GALR1: variants seen among roughly 807,000 people sequenced by gnomAD.
The protein encoded by GALR1 is galanin receptor type 1.
In GALR1, 11 loss-of-function variants were observed where a neutral mutation model predicts 17.9. That is an observed-to-expected ratio of 0.62 (90% CI 0.39 to 1.02). The LOEUF is 1.02. GALR1 is among the 50% of genes least tolerant of loss of function. GALR1 has a pLI of 0.01. For synonymous variants in GALR1, 206 were observed against 205.7 expected, an observed-to-expected ratio of 1.00 and a Z score of -0.01; for missense variants, 441 against 456.9, an observed-to-expected ratio of 0.97 and a Z score of 0.32.
At position 77,277,861 on chromosome 18, in the gene GALR1, C is replaced by T. The variant is rs1913185731; in HGVS notation, c.*8959C>T. ...AATATAATTGGCCTTTGTGATGGAA[C>T]CAGTTTTCTTGCATTGAAAATAAAA... On this transcript the variant is annotated 3_prime_UTR_variant, in exon 3 of 3. Coordinates refer to ENST00000299727, the MANE Select transcript of GALR1 (RefSeq NM_001480.4). 6.6e-6 allele frequency: 1 copy of T among 152,140 alleles called. No individual in the cohort carries two copies. Among genetic ancestry groups the T allele is most frequent in the South Asian group, 2.1e-4 (1 of 4,830 alleles). The allele number at this position is 152,140 out of a possible 1,614,324, so 9.4% of individuals were successfully genotyped here. A position where few individuals can be genotyped will look rare whatever the true frequency, so the allele number is the denominator to read the frequency against.
In GALR1 at chr18:77,251,113, G is replaced by C; in HGVS notation, c.565G>C (p.Glu189Gln). 1.2e-6 allele frequency: 2 copies of C among 1,612,782 alleles called. No individual in the cohort carries two copies. The highest frequency in any genetic ancestry group is 2.2e-5 in the East Asian group (1 of 44,870). Residue 189 changes from glutamate to glutamine, a missense_variant, in exon 1 of 3, where the codon GAG becomes CAG. Coordinates refer to ENST00000299727, the MANE Select transcript of GALR1 (RefSeq NM_001480.4). ...CGCCAGCAACCAGACCTTCTGCTGG[G>C]AGCAGTGGCCCGACCCTCGCCACAA... Reference protein sequence around the residue: ...PRASNQTFCWEQWPDPRHKKA... With the variant: ...PRASNQTFCWQQWPDPRHKKA...
At chr18:77,258,869 GTGGTGATGA>G (rs1462243591) in intron 2 of GALR1, among the ~76,000 whole-genome samples, 7 of 136,212 alleles carry the variant, frequency 5.1e-5, no homozygotes, top group East Asian at 2.2e-4. Context: ...GGTGGTGATG[GTGGTGATGA>G]TGGTGGTCAT....
At chr18:77,264,460 T>G (rs983315898) in intron 2 of GALR1, among the ~76,000 whole-genome samples, 2 of 152,154 alleles carry the variant, frequency 1.3e-5, no homozygotes, top group Non-Finnish European at 2.9e-5. Context: ...CATTTTAGAG[T>G]ATTTCTGTTT....
At chr18:77,258,903 TG>T (rs1175053512) in intron 2 of GALR1, among the ~76,000 whole-genome samples, 5 of 122,322 alleles carry the variant, frequency 4.1e-5, no homozygotes, top group Non-Finnish European at 8.5e-5. Flanking sequence ...GTGATGGTGG[TG>T]GGCGGTAGTG....
intron 2 of GALR1, among the ~76,000 whole-genome samples, chr18:77,261,360 A>G (rs1324555231): frequency 1.3e-5 from 2 of 152,252 alleles, no homozygotes; most frequent in African/African-American, 2.4e-5. Context: ...TGCCCGTCTG[A>G]CGGAGACGGA....
At chr18:77,259,065 CATGGTGGTCATGGTGGCGATTGT>C (rs1912728922) in intron 2 of GALR1, among the ~76,000 whole-genome samples, 1 of 2,412 alleles carries the variant, frequency 4.1e-4, no homozygotes, top group Non-Finnish European at 3.2e-3. Context: ...TGATGGTGGT[CATGGTGGTCATGGTGGCGATTGT>C]GGTGATGGTG....
chr18:77,252,941 CCACCACCAT>C (rs1568139126), intron 1 of GALR1, among the ~76,000 whole-genome samples: 41 of 52,512 alleles, frequency 7.8e-4, no homozygotes, highest in Admixed American at 2.5e-3. Context: ...ACCACCACCA[CCACCACCAT>C]CACCACCATC....
chr18:77,275,452 A>T lies in GALR1; in HGVS notation c.*6550A>T, dbSNP rs780901769. ...TTCTGTCATTCCTGGTCTAGAGTTC[A>T]TGTGTGAAGGTCAAATATAGGTGGG... On this transcript the variant is annotated 3_prime_UTR_variant, in exon 3 of 3. Transcript: ENST00000299727. 2.0e-5 allele frequency: 3 copies of T among 152,256 alleles called. No individual in the cohort carries two copies. Among genetic ancestry groups the T allele is most frequent in the Non-Finnish European group, 4.4e-5 (3 of 68,068 alleles). 9.4% of individuals were successfully genotyped at this position (152,256 alleles called of 1,614,324 possible). A position where few individuals can be genotyped will look rare whatever the true frequency, so the allele number is the denominator to read the frequency against.
chr18:77,272,795 C>T lies in GALR1; in HGVS notation c.*3893C>T, dbSNP rs1913088281. On this transcript the variant is annotated 3_prime_UTR_variant, in exon 3 of 3. Coordinates refer to ENST00000299727, the MANE Select transcript of GALR1 (RefSeq NM_001480.4). ...AAGAACAAGTAGGTGGTTTAAAATT[C>T]AGATAGTTACATGTTGGCCTGGAAA... 6.6e-6 allele frequency: 1 copy of T among 152,132 alleles called. No individual in the cohort carries two copies. Among genetic ancestry groups the T allele is most frequent in the Non-Finnish European group, 1.5e-5 (1 of 68,020 alleles). The allele number at this position is 152,132 out of a possible 1,614,324, so 9.4% of individuals were successfully genotyped here.
intron 2 of GALR1, 146 bp downstream of exon 2, chr18:77,256,369 G>T (rs1053557902): frequency 3.6e-6 from 2 of 562,654 alleles, no homozygotes; most frequent in Non-Finnish European, 3.1e-6. Context: ...GCCTCCCACC[G>T]TTAGGATGGG....
Position 77,250,493 on chromosome 18 carries a change from T to C in GALR1, c.-56T>C, listed in dbSNP as rs376635516. ...ACCCCTGGCCACCCCCGGCGCCTAC[T>C]ATCCCGCCCTCCCTCCCCGCGCGCC... On this transcript the variant is annotated 5_prime_UTR_variant, in exon 1 of 3. Coordinates refer to ENST00000299727, the MANE Select transcript of GALR1 (RefSeq NM_001480.4). The C allele has an allele frequency of 5.0e-6, 7 of 1,413,794 alleles. No individual in the cohort carries two copies. In the East Asian group the frequency reaches 1.3e-4, roughly 27 times the overall value. 87.6% of individuals were successfully genotyped at this position (1,413,794 alleles called of 1,614,324 possible).
At position 77,250,616 on chromosome 18, in the gene GALR1, C is replaced by T. The variant is rs1274907897; in HGVS notation, c.68C>T (p.Pro23Leu). ...ASWPEPPAPE[P>L]GPLFGIGVEN... ...TGGCCGGAGCCCCCCGCCCCGGAGC[C>T]CGGGCCGCTGTTCGGCATCGGCGTG... Residue 23 changes from proline (P) to leucine (L), a missense_variant, in exon 1 of 3, where the codon CCC becomes CTC. Transcript: ENST00000299727. 1.9e-6 allele frequency: 3 copies of T among 1,575,346 alleles called. No individual in the cohort carries two copies. The highest frequency in any genetic ancestry group is 1.4e-5 in the African/African-American group (1 of 73,916).
intron 2 of GALR1, among the ~76,000 whole-genome samples, chr18:77,258,860 G>C (rs1389213846): frequency 7.1e-6 from 1 of 140,820 alleles, no homozygotes; most frequent in African/African-American, 2.9e-5. Context: ...GGTGATGGTG[G>C]TGGTGATGGT....
intron 1 of GALR1, 99 bp downstream of exon 1, chr18:77,251,313 G>T (rs1912411634): frequency 6.8e-7 from 1 of 1,478,666 alleles, no homozygotes; most frequent in South Asian, 1.4e-5. Flanking sequence ...GAGCCTTGGC[G>T]GCAGCCTGGC....
Position 77,269,786 on chromosome 18 carries a change from A to C in GALR1, c.*884A>C, listed in dbSNP as rs1913024457. On this transcript the variant is annotated 3_prime_UTR_variant, in exon 3 of 3. Coordinates refer to ENST00000299727, the MANE Select transcript of GALR1 (RefSeq NM_001480.4). ...GAAAAAAAATCAGCGAGGTTGATGT[A>C]GATAATAATTTCTATGGGACCAAAG... 6.6e-6 allele frequency: 1 copy of C among 152,366 alleles called. No individual in the cohort carries two copies. Among genetic ancestry groups the C allele is most frequent in the East Asian group, 1.9e-4 (1 of 5,194 alleles). 9.4% of individuals were successfully genotyped at this position (152,366 alleles called of 1,614,324 possible).
chr18:77,254,225 G>A (rs1022550400), intron 1 of GALR1, among the ~76,000 whole-genome samples: 11 of 152,072 alleles, frequency 7.2e-5, no homozygotes, highest in South Asian at 4.2e-4. Flanking sequence ...CTTAAACGTC[G>A]TCATACCCTA....
At position 77,276,419 on chromosome 18, in the gene GALR1, G is replaced by T. The variant is rs1288863183; in HGVS notation, c.*7517G>T. 6.6e-6 allele frequency: 1 copy of T among 152,236 alleles called. No individual in the cohort carries two copies. Among genetic ancestry groups the T allele is most frequent in the East Asian group, 1.9e-4 (1 of 5,200 alleles). 9.4% of individuals were successfully genotyped at this position (152,236 alleles called of 1,614,324 possible). ...GCTGTACAGTTGAATGAGCTGGGCAGTTGAAAGTACCCGTGATGCTCTGGC... is the reference window on the plus strand; with the variant it reads ...GCTGTACAGTTGAATGAGCTGGGCATTTGAAAGTACCCGTGATGCTCTGGC... On this transcript the variant is annotated 3_prime_UTR_variant, in exon 3 of 3. Coordinates refer to ENST00000299727, the MANE Select transcript of GALR1 (RefSeq NM_001480.4).
intron 2 of GALR1, among the ~76,000 whole-genome samples, chr18:77,259,673 GTGA>G (rs1005055056): frequency 1.3e-4 from 18 of 143,992 alleles, no homozygotes; most frequent in East Asian, 1.2e-3. Flanking sequence ...GGTGGCAATA[GTGA>G]TGATGATGGT....
intron 2 of GALR1, among the ~76,000 whole-genome samples, chr18:77,266,820 A>G (rs900938937): frequency 1.3e-5 from 2 of 152,198 alleles, no homozygotes; most frequent in African/African-American, 4.8e-5. Context: ...CCATGATTCA[A>G]TTACCTCTCA....
Sources: allele counts gnomAD v4.1 joint callset (sites outside exome capture counted in the v4.1 genomes callset), GRCh38; gene constraint gnomAD v4.1.1; transcripts MANE v1.5; gene names NCBI Gene and HGNC (gene_info 2026-07-23, HGNC 2026-07-21).